DNAH12: variants seen among roughly 807,000 people sequenced by gnomAD.
DNAH12 encodes the protein dynein axonemal heavy chain 12, also known as axonemal beta dynein heavy chain 12.
Under a neutral mutation model 371.5 loss-of-function variants are expected in DNAH12, and 285 were observed. The ratio of observed to expected loss-of-function variants is 0.77; its 90% CI spans 0.70 to 0.85. DNAH12 has a LOEUF of 0.85. Among genes scored for constraint, DNAH12 ranks in the 40% least tolerant of loss-of-function variants. DNAH12 has a pLI of 0.00. For synonymous variants in DNAH12, 1,200 were observed against 1,213.0 expected, an observed-to-expected ratio of 0.99 and a Z score of 0.22; for missense variants, 3,611 against 3,689.4, an observed-to-expected ratio of 0.98 and a Z score of 0.55.
In DNAH12 at chr3:57,415,582, A is replaced by T; in HGVS notation, c.5715-18T>A. Reference sequence around the variant, plus strand: ...GGAGTGGCCTTAATGAAAACAATGAATATATTATTCAAAATGGAAAAAAAG... The same window carrying T: ...GGAGTGGCCTTAATGAAAACAATGATTATATTATTCAAAATGGAAAAAAAG... On this transcript the variant is annotated intron_variant, in intron 37 of 73. Transcript: ENST00000495027. 1.3e-6 allele frequency: 2 copies of T among 1,518,360 alleles called. No homozygotes were observed. Among genetic ancestry groups the T allele is most frequent in the South Asian group, 2.6e-5 (2 of 77,812 alleles). The allele number at this position is 1,518,360 out of a possible 1,614,324, so 94.1% of individuals were successfully genotyped here. A position where few individuals can be genotyped will look rare whatever the true frequency, so the allele number is the denominator to read the frequency against.
At position 57,507,719 on chromosome 3, in the gene DNAH12, T is replaced by C; in HGVS notation, c.821A>G (p.Lys274Arg). The change falls in exon 8 of 74, where the codon AAG becomes AGG. Residue 274 changes from lysine (K) to arginine (R), a missense_variant. Lys to Arg is a conservative substitution (Grantham distance 26). Around this residue, in one of 3 missense-constraint regions of DNAH12, gnomAD observed 1,314 missense variants for 1,398.7 expected, o/e 0.94. Coordinates refer to ENST00000495027, the MANE Select transcript of DNAH12 (RefSeq NM_001366028.2). The stretch of plus-strand genomic sequence containing the variant: ...AGGTTTAACACCTTCTAGTGCCTCC[T>C]TCTTGGTAAAGAGATTTATAACCTT... ...YPKVINLFTK[K>R]EALEGVKPEK... is the part of the protein sequence containing the mutation. 6.2e-7 allele frequency: 1 copy of C among 1,611,544 alleles called. No individual in the cohort carries two copies. The highest frequency in any genetic ancestry group is 8.5e-7 in the Non-Finnish European group (1 of 1,179,638).
chr3:57,440,167 C>T (rs1409505429), intron 29 of DNAH12, among the ~76,000 whole-genome samples: 1 of 152,180 alleles, frequency 6.6e-6, no homozygotes, highest in Non-Finnish European at 1.5e-5. Flanking sequence ...CCAGCAATCC[C>T]ATTACTGGGT....
At chr3:57,480,184 A>G (rs887999543) in intron 13 of DNAH12, among the ~76,000 whole-genome samples, 8 of 120,198 alleles carry the variant, frequency 6.7e-5, no homozygotes, top group African/African-American at 2.0e-4. Context: ...CAAGACTAAT[A>G]AAGAAGAAAA....
intron 70 of DNAH12, 52 bp downstream of exon 70, chr3:57,301,677 TACACAC>T (rs57748737): frequency 0.057 from 64,841 of 1,142,950 alleles, 1,480 homozygotes; most frequent in African/African-American, 0.13. Flanking sequence ...ACATGTATTT[TACACAC>T]ACACACACAC....
At chr3:57,371,103 C>T (rs924981254) in intron 55 of DNAH12, among the ~76,000 whole-genome samples, 3 of 152,044 alleles carry the variant, frequency 2.0e-5, no homozygotes, top group Non-Finnish European at 4.4e-5. Flanking sequence ...GAGGAAACTC[C>T]AAGATGGAAA....
chr3:57,508,610 AT>A (rs1352550902), intron 6 of DNAH12, 70 bp from the exon 7 acceptor site: 2 of 1,504,790 alleles, frequency 1.3e-6, no homozygotes, highest in African/African-American at 2.9e-5. Context: ...AATAATGCTT[AT>A]AACATGAAAT....
At chr3:57,333,316 C>G (rs1404070339) in intron 62 of DNAH12, among the ~76,000 whole-genome samples, 1 of 127,260 alleles carries the variant, frequency 7.9e-6, no homozygotes, top group Admixed American at 7.9e-5. Flanking sequence ...GATACATGTT[C>G]TTTTTAAGGC....
In DNAH12 at chr3:57,396,181, G is replaced by A. The variant is rs1395274205; in HGVS notation, c.6949-1849C>T. Among the ~76,000 whole-genome samples the A allele has an allele frequency of 2.0e-3, 306 of 150,286 alleles. 1 individual carries two copies. The Middle Eastern group carries it at 0.021, about 10-fold the overall frequency. On this transcript the variant is annotated intron_variant, in intron 43 of 73. Coordinates refer to ENST00000495027, the MANE Select transcript of DNAH12 (RefSeq NM_001366028.2). ...TAATCCCAGCTACTTGGGAGGCTGAGGCAGGAGAATCGCTTGAACCTGGGA... is the reference window on the plus strand; with the variant it reads ...TAATCCCAGCTACTTGGGAGGCTGAAGCAGGAGAATCGCTTGAACCTGGGA...
intron 58 of DNAH12, among the ~76,000 whole-genome samples, chr3:57,363,154 C>G (rs938177253): frequency 2.0e-5 from 3 of 151,988 alleles, no homozygotes; most frequent in African/African-American, 7.3e-5. Flanking sequence ...CTTTGACAAA[C>G]CTGACAAAAA....
chr3:57,369,906 T>C (rs2063133897), intron 55 of DNAH12, among the ~76,000 whole-genome samples: 1 of 152,206 alleles, frequency 6.6e-6, no homozygotes, highest in Non-Finnish European at 1.5e-5. Flanking sequence ...GATTCTTGTC[T>C]ACTCTGAAAG....
At chr3:57,435,373 C>CAAAAAAAAAAAAAAAAAAAAAAAAAAAAA (rs34515598) in intron 30 of DNAH12, among the ~76,000 whole-genome samples, 1 of 94,746 alleles carries the variant, frequency 1.1e-5, no homozygotes, top group Non-Finnish European at 2.0e-5. Flanking sequence ...CTCTGTCTCC[C>CAAAAAAAAAAAAAAAAAAAAAAAAAAAAA]AAAAAAAAAA....
At chr3:57,459,178 C>T (rs2153376461) in intron 20 of DNAH12, among the ~76,000 whole-genome samples, 1 of 152,288 alleles carries the variant, frequency 6.6e-6, no homozygotes, top group South Asian at 2.1e-4. Flanking sequence ...GCAGATTCTT[C>T]CCCATCACTC....
At position 57,419,402 on chromosome 3, in the gene DNAH12, A is replaced by T. The variant is rs765071830; in HGVS notation, c.5679T>A (p.Tyr1893Ter). 6.0e-6 allele frequency: 9 copies of T among 1,509,058 alleles called. No individual in the cohort carries two copies. 93.5% of individuals were successfully genotyped at this position (1,509,058 alleles called of 1,614,324 possible). The part of the protein sequence containing the change: ...IIVPTMDTIR[Y>*]TFLMDLSITY... ...TAATACTCAAATCCATTAGAAACGT[A>T]TATCTAATTGTGTCCATCGTAGGGA... Residue 1893 changes from tyrosine to a stop codon, truncating the protein, a stop_gained, in exon 37 of 74, where the codon TAT becomes TAA. Coordinates refer to ENST00000495027, the MANE Select transcript of DNAH12 (RefSeq NM_001366028.2). LOFTEE classifies it high-confidence loss of function.
intron 27 of DNAH12, 99 bp downstream of exon 27, chr3:57,445,932 G>A (rs903606266): frequency 4.2e-6 from 5 of 1,198,404 alleles, no homozygotes; most frequent in African/African-American, 1.6e-5. Flanking sequence ...AGGTTGCAGT[G>A]AGCCAAGATC....
intron 22 of DNAH12, among the ~76,000 whole-genome samples, chr3:57,455,362 G>A (rs371682830): frequency 1.3e-5 from 2 of 151,688 alleles, no homozygotes; most frequent in African/African-American, 4.8e-5. Flanking sequence ...TCAGGAGTTC[G>A]AGACCAGCCT....
At chr3:57,334,141 T>G (rs530915355) in intron 62 of DNAH12, among the ~76,000 whole-genome samples, 2 of 152,276 alleles carry the variant, frequency 1.3e-5, no homozygotes, top group African/African-American at 4.8e-5. Flanking sequence ...CTACCCAAAC[T>G]GATGCAAGGA....
intron 59 of DNAH12, 83 bp from the exon 60 acceptor site, chr3:57,352,308 T>C: frequency 7.3e-7 from 1 of 1,369,418 alleles, no homozygotes; most frequent in Non-Finnish European, 9.8e-7. Flanking sequence ...ACACTTTTTA[T>C]TTTATGAAAG....
Position 57,428,866 on chromosome 3 carries a change from T to C in DNAH12, c.5065-45A>G, listed in dbSNP as rs541420136. On this transcript the variant is annotated intron_variant, in intron 33 of 73. Coordinates refer to ENST00000495027, the MANE Select transcript of DNAH12 (RefSeq NM_001366028.2). ...TTTTGCACTGTTGTTTTTATACCAG[T>C]GGCACCTGGCAATTATCAACTATTT... 37 of 1,462,774 alleles carry C rather than the reference T, an allele frequency of 2.5e-5. No homozygotes were observed. The African/African-American group carries it at 3.7e-4, about 15-fold the overall frequency. The allele number at this position is 1,462,774 out of a possible 1,614,324, so 90.6% of individuals were successfully genotyped here. A position where few individuals can be genotyped will look rare whatever the true frequency, so the allele number is the denominator to read the frequency against.
intron 2 of DNAH12, among the ~76,000 whole-genome samples, chr3:57,538,485 C>G (rs72872518): frequency 2.0e-5 from 3 of 152,122 alleles, no homozygotes; most frequent in African/African-American, 7.2e-5. Flanking sequence ...CATGCCAAAC[C>G]CTTTGATTTG....
Sources: allele counts gnomAD v4.1 joint callset (sites outside exome capture counted in the v4.1 genomes callset), GRCh38; gene constraint gnomAD v4.1.1; regional missense constraint gnomAD v4.1.1; transcripts MANE v1.5; gene names NCBI Gene and HGNC (gene_info 2026-07-23, HGNC 2026-07-21).